Variants in ITSN1 observed in about 807,000 individuals in gnomAD.
ITSN1 encodes the protein intersectin 1, also known as intersectin-1.
ITSN1 carries 58 observed loss-of-function variants against 239.8 expected under a neutral mutation model. The observed-to-expected ratio is 0.24, with a 90% CI of 0.20 to 0.30. ITSN1 has a LOEUF of 0.30. ITSN1 is among the 10% of genes least tolerant of loss of function. The pLI, the probability that ITSN1 is intolerant of heterozygous loss-of-function variation, is 1.00. For synonymous variants in ITSN1, 780 were observed against 770.8 expected, an observed-to-expected ratio of 1.01 and a Z score of -0.20; for missense variants, 1,558 against 2,103.3, an observed-to-expected ratio of 0.74 and a Z score of 5.07.
chr21:33,740,204 G>C lies in ITSN1; in HGVS notation c.346+5000G>C, dbSNP rs1259354728. Among the ~76,000 whole-genome samples the C allele has an allele frequency of 2.6e-5, 4 of 152,186 alleles. 1 individual carries two copies. In the South Asian group the frequency reaches 8.3e-4, roughly 31 times the overall value. The stretch of plus-strand genomic sequence containing the variant: ...TTTGAGAGTCCTAGTAGATTTCCGA[G>C]TTGGGATGTTAAGGAGACAGGGATG... On this transcript the variant is annotated intron_variant, in intron 5 of 39. Coordinates refer to ENST00000381318, the MANE Select transcript of ITSN1 (RefSeq NM_003024.3).
intron 4 of ITSN1, among the ~76,000 whole-genome samples, chr21:33,725,948 C>T (rs910736830): frequency 6.6e-6 from 1 of 152,028 alleles, no homozygotes; most frequent in Non-Finnish European, 1.5e-5. Context: ...ACATAGTAAC[C>T]CTGAGTAGTA....
intron 1 of ITSN1, among the ~76,000 whole-genome samples, chr21:33,712,917 G>C (rs537754609): frequency 6.6e-6 from 1 of 152,174 alleles, no homozygotes; most frequent in East Asian, 1.9e-4. Context: ...TGCTCTTGCT[G>C]CCCAGGCTGG....
At position 33,858,799 on chromosome 21, in the gene ITSN1, C is replaced by T; in HGVS notation, c.3890+7C>T. ...GTAATATCAAACTACTAAAGTAAGC[C>T]TCTCCTCTAATCCCCAGCCTGGCTT... On this transcript the variant is annotated splice_region_variant and intron_variant, in intron 31 of 39. Coordinates refer to ENST00000381318, the MANE Select transcript of ITSN1 (RefSeq NM_003024.3). 1.3e-6 allele frequency: 2 copies of T among 1,572,960 alleles called. No individual in the cohort carries two copies. Among genetic ancestry groups the T allele is most frequent in the Non-Finnish European group, 1.7e-6 (2 of 1,143,528 alleles).
At chr21:33,684,652 T>C (rs2091148307) in intron 1 of ITSN1, among the ~76,000 whole-genome samples, 1 of 152,096 alleles carries the variant, frequency 6.6e-6, no homozygotes, top group Non-Finnish European at 1.5e-5. Context: ...AAATGACCCG[T>C]CATTCTTTTA....
rs531183150 is a variant in ITSN1 at position 33,686,249 on chromosome 21, T to A, written c.-32-32548T>A. ...ATTACTGTGATTAGATTTTTTTTTT[T>A]AATTTCCAAATGTATTTAAGCTTCT... On this transcript the variant is annotated intron_variant, in intron 1 of 39. Coordinates refer to ENST00000381318, the MANE Select transcript of ITSN1 (RefSeq NM_003024.3). Among the ~76,000 whole-genome samples the A allele has an allele frequency of 1.1e-4, 17 of 152,298 alleles. No homozygotes were observed. In the South Asian group the frequency reaches 2.3e-3, roughly 20 times the overall value.
At position 33,761,390 on chromosome 21, in the gene ITSN1, A is replaced by G. The variant is rs114158284; in HGVS notation, c.725-533A>G. Reference sequence around the variant, plus strand: ...CTGGAAATGTGTTTTAATCCTGGCTATTAGCGCTTCCTGCAACTTTTTTTT... The same window carrying G: ...CTGGAAATGTGTTTTAATCCTGGCTGTTAGCGCTTCCTGCAACTTTTTTTT... On this transcript the variant is annotated intron_variant, in intron 8 of 39. Transcript: ENST00000381318. 7.5e-3 allele frequency among the ~76,000 whole-genome samples: 1,135 copies of G among 151,346 alleles called. 15 individuals are homozygous for G. Among genetic ancestry groups the G allele is most frequent in the African/African-American group, 0.026 (1,079 of 41,270 alleles).
intron 38 of ITSN1, 105 bp downstream of exon 38, chr21:33,885,627 C>A: frequency 2.4e-6 from 2 of 823,440 alleles, no homozygotes; most frequent in Non-Finnish European, 4.1e-6. Flanking sequence ...TTTCCATACT[C>A]CCTGATCTCC....
intron 24 of ITSN1, among the ~76,000 whole-genome samples, chr21:33,821,916 A>T (rs905459408): frequency 6.6e-6 from 1 of 152,250 alleles, no homozygotes; most frequent in Non-Finnish European, 1.5e-5. Context: ...AGTATGGAGA[A>T]GTCAGAAAAA....
intron 2 of ITSN1, 127 bp downstream of exon 2, chr21:33,718,983 A>G: frequency 2.7e-6 from 2 of 741,334 alleles, no homozygotes; most frequent in Non-Finnish European, 4.6e-6. Context: ...ATTCCATCAT[A>G]TAGTTTCATT....
intron 3 of ITSN1, 95 bp from the exon 4 acceptor site, chr21:33,722,492 GC>G (rs2065549436): frequency 1.4e-6 from 2 of 1,421,716 alleles, no homozygotes; most frequent in South Asian, 3.1e-5. Context: ...AGTATTACCA[GC>G]CTCTTTGTAA....
At chr21:33,672,259 A>G (rs2090332805) in intron 1 of ITSN1, among the ~76,000 whole-genome samples, 1 of 152,130 alleles carries the variant, frequency 6.6e-6, no homozygotes, top group South Asian at 2.1e-4. Context: ...ACTTAATTTT[A>G]TCTAATTCAC....
At position 33,772,321 on chromosome 21, in the gene ITSN1, G is replaced by C. The variant is rs551176344; in HGVS notation, c.1303G>C (p.Glu435Gln). 6.4e-7 allele frequency: 1 copy of C among 1,552,218 alleles called. No homozygotes were observed. The highest frequency in any genetic ancestry group is 2.4e-5 in the East Asian group (1 of 40,972). Residue 435 changes from glutamate (E) to glutamine (Q), a missense_variant and splice_region_variant, in exon 12 of 40, where the codon GAG (glutamate) becomes CAG (glutamine). Glu to Gln is a conservative substitution (Grantham distance 29, BLOSUM62 2). Around this residue, in one of 2 missense-constraint regions of ITSN1, gnomAD observed 982 missense variants for 1,209.9 expected, o/e 0.81. Transcript: ENST00000381318. The stretch of plus-strand genomic sequence containing the variant: ...GAGGAGGAAAGAAATTGAGAGGCGA[G>C]AGGTAAGCAGGCGAGAGTGGAGCCA... The part of the protein sequence containing the change: ...EERRKEIERR[E>Q]AAKRELERQR...
Position 33,867,250 on chromosome 21 carries a change from T to A in ITSN1, c.4092T>A (p.Pro1364=), listed in dbSNP as rs766277914. The change falls in exon 33 of 40, where the codon CCT becomes CCA. Residue 1364 remains proline, a synonymous_variant. Coordinates refer to ENST00000381318, the MANE Select transcript of ITSN1 (RefSeq NM_003024.3). ...KEFVKRLAMD[P]RCKGMPLSSF... is the part of the protein sequence containing the mutation. ...CATTTCAGAGATTGGCAATGGATCC[T>A]CGGTGTAAAGGGATGCCACTCTCTA... The A allele has an allele frequency of 2.4e-5, 38 of 1,607,904 alleles. No homozygotes were observed. Among genetic ancestry groups the A allele is most frequent in the Non-Finnish European group, 3.2e-5 (38 of 1,174,368 alleles).
chr21:33,749,338 T>A (rs1186912433), intron 5 of ITSN1, among the ~76,000 whole-genome samples: 1 of 152,094 alleles, frequency 6.6e-6, no homozygotes, highest in Non-Finnish European at 1.5e-5. Context: ...GGTTAGAATA[T>A]TTTTGTATAA....
rs534648223 is a variant in ITSN1, at chr21:33,740,855, C to T, written c.346+5651C>T. Among the ~76,000 whole-genome samples, 13 of 151,990 alleles carry T rather than the reference C, an allele frequency of 8.6e-5. No homozygotes were observed. The East Asian group carries it at 2.5e-3, about 29-fold the overall frequency. On this transcript the variant is annotated intron_variant, in intron 5 of 39. Transcript: ENST00000381318. ...CAAGGCTGGAGGATTGCTTGAGGCT[C>T]CTAGTTCAGGACCAGCCTGGGCAAC...
At chr21:33,681,542 C>G (rs2146524232) in intron 1 of ITSN1, among the ~76,000 whole-genome samples, 1 of 151,782 alleles carries the variant, frequency 6.6e-6, no homozygotes, top group East Asian at 1.9e-4. Flanking sequence ...GAGTGAGACT[C>G]CGTCTCAAAA....
intron 27 of ITSN1, among the ~76,000 whole-genome samples, chr21:33,830,488 A>C (rs1205021357): frequency 6.6e-6 from 1 of 152,128 alleles, no homozygotes; most frequent in Non-Finnish European, 1.5e-5. Context: ...AGCAGTGGGG[A>C]GACCAGAGGA....
At chr21:33,718,653 G>A (rs905924007) in intron 1 of ITSN1, 144 bp from the exon 2 acceptor site, 53 of 646,714 alleles carry the variant, frequency 8.2e-5, no homozygotes, top group East Asian at 3.4e-4. Flanking sequence ...AAAGTAACAC[G>A]TGAATGAATG....
intron 1 of ITSN1, among the ~76,000 whole-genome samples, chr21:33,651,965 AT>A (rs375133534): frequency 1.7e-4 from 26 of 152,272 alleles, no homozygotes; most frequent in Non-Finnish European, 2.9e-4. Context: ...AATTTAAAAA[AT>A]AACATGTTTT....
Sources: gnomAD v4.1 joint callset for allele counts (sites outside exome capture counted in the v4.1 genomes callset) on GRCh38, gnomAD v4.1.1 for gene constraint, gnomAD v4.1.1 regional missense constraint, MANE v1.5 for transcripts, NCBI Gene and HGNC (gene_info 2026-07-23, HGNC 2026-07-21) for gene names.